Variants in ANOS1 observed in about 807,000 individuals in gnomAD.
The protein encoded by ANOS1 is anosmin-1.
Under a neutral mutation model 59.0 loss-of-function variants are expected in ANOS1, and 6 were observed. The ratio of observed to expected loss-of-function variants is 0.10; its 90% CI spans 0.06 to 0.20. ANOS1 has a LOEUF of 0.20. ANOS1 is among the 10% of genes least tolerant of loss of function. The pLI, the probability that ANOS1 is intolerant of heterozygous loss-of-function variation, is 1.00. For synonymous variants in ANOS1, 217 were observed against 223.4 expected (o/e 0.97, Z 0.25); for missense variants, 433 against 542.3 (o/e 0.80, Z 2.00).
chrX:8,678,092 C>T lies in ANOS1; in HGVS notation c.255+21606G>A, dbSNP rs373632942. On this transcript the variant is annotated intron_variant, in intron 2 of 13. Coordinates refer to ENST00000262648, the MANE Select transcript of ANOS1 (RefSeq NM_000216.4). ...GACCCGCAAGCTCTCCACAGACCTG[C>T]GCTGATGGTTTCTCACTTCCCTCAT... 3.6e-5 allele frequency among the ~76,000 whole-genome samples: 4 copies of T among 112,299 alleles called. No homozygotes were observed. The East Asian group carries it at 1.1e-3, about 32-fold the overall frequency.
intron 6 of ANOS1, among the ~76,000 whole-genome samples, chrX:8,575,835 G>A (rs1262438165): frequency 9.0e-6 from 1 of 111,380 alleles, no homozygotes; most frequent in African/African-American, 3.3e-5. Context: ...CAGACATGGT[G>A]ACCCACGTCT....
chrX:8,548,436 C>T (rs1365912185), intron 9 of ANOS1, among the ~76,000 whole-genome samples: 2 of 112,089 alleles, frequency 1.8e-5, no homozygotes, highest in Non-Finnish European at 3.8e-5. Flanking sequence ...CATATTTTTG[C>T]CATTCTTTTG....
intron 4 of ANOS1, among the ~76,000 whole-genome samples, chrX:8,594,216 C>G (rs1930669086): frequency 1.8e-5 from 2 of 110,720 alleles, no homozygotes; most frequent in South Asian, 7.8e-4. Flanking sequence ...ACAGACCTAG[C>G]AGAGACAGAG....
intron 2 of ANOS1, among the ~76,000 whole-genome samples, chrX:8,655,466 T>G (rs976859524): frequency 8.9e-5 from 10 of 111,743 alleles, no homozygotes; most frequent in African/African-American, 3.3e-4. Context: ...CACCTCCTGC[T>G]GTGTAGCCTG....
intron 6 of ANOS1, among the ~76,000 whole-genome samples, chrX:8,576,328 G>T (rs945701829): frequency 9.0e-6 from 1 of 110,799 alleles, no homozygotes; most frequent in Non-Finnish European, 1.9e-5. Flanking sequence ...TTGAGAATTG[G>T]TTCCCTACGT....
At position 8,535,454 on chromosome X, in the gene ANOS1, C is replaced by T; in HGVS notation, c.1842+137G>A. On this transcript the variant is annotated intron_variant, in intron 12 of 13. Transcript: ENST00000262648. ...GATGTGTTAATGCTTGCAAAAGATA[C>T]ACTCAGAAGAAGAAAATGCAAAAAT... The T allele has an allele frequency of 5.9e-6, 3 of 509,796 alleles. No homozygotes were observed. The South Asian group carries it at 8.5e-5, about 14-fold the overall frequency. The allele number at this position is 509,796 out of a possible 1,213,427, so 42.0% of individuals were successfully genotyped here. A position where few individuals can be genotyped will look rare whatever the true frequency, so the allele number is the denominator to read the frequency against.
Position 8,528,993 on chromosome X carries a change from CA to C in ANOS1, c.*4001del, listed in dbSNP as rs1929452595. On this transcript the variant is annotated 3_prime_UTR_variant, in exon 14 of 14. Coordinates refer to ENST00000262648, the MANE Select transcript of ANOS1 (RefSeq NM_000216.4). ...TTTTGTTTTTTACAAAACATTTTTA[CA>C]AGATTACTTCTCTCTAAATAATGTG... 8.9e-6 allele frequency: 1 copy of C among 111,867 alleles called. No individual in the cohort carries two copies. Among genetic ancestry groups the C allele is most frequent in the Non-Finnish European group, 1.9e-5 (1 of 53,242 alleles). 9.2% of individuals were successfully genotyped at this position (111,867 alleles called of 1,213,427 possible). A position where few individuals can be genotyped will look rare whatever the true frequency, so the allele number is the denominator to read the frequency against.
chrX:8,710,389 T>C (rs1932805614), intron 1 of ANOS1, among the ~76,000 whole-genome samples: 1 of 111,615 alleles, frequency 9.0e-6, no homozygotes, highest in Admixed American at 9.6e-5. Context: ...TCTGTCAAAG[T>C]GTAAGATCTA....
At chrX:8,677,680 T>A (rs1318758406) in intron 2 of ANOS1, among the ~76,000 whole-genome samples, 1 of 111,791 alleles carries the variant, frequency 8.9e-6, no homozygotes, top group Non-Finnish European at 1.9e-5. Context: ...GTTGGAAAGT[T>A]TAGATTACAT....
chrX:8,700,213 G>A (rs1321544179), intron 1 of ANOS1, among the ~76,000 whole-genome samples: 2 of 111,773 alleles, frequency 1.8e-5, no homozygotes, highest in Admixed American at 9.5e-5. Context: ...CCTGAAACTG[G>A]GTAATTTATG....
At chrX:8,622,039 T>C (rs1931302422) in intron 3 of ANOS1, among the ~76,000 whole-genome samples, 1 of 111,925 alleles carries the variant, frequency 8.9e-6, no homozygotes, top group Admixed American at 9.5e-5. Context: ...ATCACCAGTT[T>C]TGTTTATTTC....
chrX:8,655,243 T>C (rs909417723), intron 2 of ANOS1, among the ~76,000 whole-genome samples: 10 of 111,183 alleles, frequency 9.0e-5, no homozygotes, highest in African/African-American at 2.9e-4. Context: ...CTGGGGGTGA[T>C]GGGAGACAGT....
At chrX:8,593,513 A>C (rs151090130) in intron 4 of ANOS1, among the ~76,000 whole-genome samples, 1,149 of 112,403 alleles carry the variant, frequency 0.01, 21 homozygotes, top group African/African-American at 0.035. Flanking sequence ...TCCATATAGC[A>C]CACTCTGTAT....
At chrX:8,645,289 G>A (rs181869821) in intron 2 of ANOS1, among the ~76,000 whole-genome samples, 9 of 112,172 alleles carry the variant, frequency 8.0e-5, no homozygotes, top group African/African-American at 2.6e-4. Flanking sequence ...AGCAGGAGGG[G>A]AAATGGCCAT....
At chrX:8,643,113 T>C (rs766103750) in intron 2 of ANOS1, among the ~76,000 whole-genome samples, 69 of 111,571 alleles carry the variant, frequency 6.2e-4, no homozygotes, top group African/African-American at 2.1e-3. Flanking sequence ...TAGGTGTTGA[T>C]GACCTAGAGG....
intron 1 of ANOS1, among the ~76,000 whole-genome samples, chrX:8,724,907 T>C (rs1409890854): frequency 8.9e-6 from 1 of 111,800 alleles, no homozygotes; most frequent in East Asian, 2.8e-4. Context: ...CTTTGATTAA[T>C]GTAAAGAGGA....
intron 2 of ANOS1, among the ~76,000 whole-genome samples, chrX:8,659,582 T>TTGCC (rs1172468948): frequency 0.022 from 1,614 of 73,131 alleles, 19 homozygotes; most frequent in African/African-American, 0.039. Context: ...GCTTGCTTGC[T>TTGCC]TGCCTTCCTT....
intron 2 of ANOS1, among the ~76,000 whole-genome samples, chrX:8,680,619 A>G (rs1394541722): frequency 1.8e-5 from 2 of 111,368 alleles, no homozygotes; most frequent in African/African-American, 6.5e-5. Context: ...AACTTAAGTG[A>G]CATGGAGGCA....
rs762211970 is a variant in ANOS1 at position 8,629,761 on chromosome X, G to A, written c.256-6091C>T. 4.5e-5 allele frequency among the ~76,000 whole-genome samples: 5 copies of A among 112,041 alleles called. No homozygotes were observed. The South Asian group carries it at 1.5e-3, about 33-fold the overall frequency. On this transcript the variant is annotated intron_variant, in intron 2 of 13. Coordinates refer to ENST00000262648, the MANE Select transcript of ANOS1 (RefSeq NM_000216.4). The stretch of plus-strand genomic sequence containing the variant: ...CAAACACTTTCATAAAAGGACAGCA[G>A]AAGAAATGTTCTTACCAAAACAGCC...
Sources: gnomAD v4.1 joint callset for allele counts (sites outside exome capture counted in the v4.1 genomes callset) on GRCh38, gnomAD v4.1.1 for gene constraint, MANE v1.5 for transcripts, NCBI Gene and HGNC (gene_info 2026-07-23, HGNC 2026-07-21) for gene names.